DIP2C: variants seen among roughly 807,000 people sequenced by gnomAD.
The protein encoded by DIP2C is disco-interacting protein 2 homolog C.
Under a neutral mutation model 192.4 loss-of-function variants are expected in DIP2C, and 33 were observed. That is an observed-to-expected ratio of 0.17 (90% CI 0.13 to 0.23). The LOEUF (loss-of-function observed/expected upper bound fraction) is 0.23. Ranked by LOEUF, DIP2C falls within the 10% of genes least tolerant of loss-of-function variation. DIP2C has a pLI of 1.00. For synonymous variants in DIP2C, 979 were observed against 864.1 expected (o/e 1.13, Z -2.33); for missense variants, 1,537 against 2,110.1 (o/e 0.73, Z 5.32).
chr10:525,046 T>C (rs1004473179), intron 1 of DIP2C, among the ~76,000 whole-genome samples: 24 of 150,958 alleles, frequency 1.6e-4, no homozygotes, highest in Non-Finnish European at 5.9e-5. Flanking sequence ...GGGTTCAACT[T>C]ACATTTAAAT....
At chr10:530,393 A>C (rs1262736571) in intron 1 of DIP2C, among the ~76,000 whole-genome samples, 1 of 152,180 alleles carries the variant, frequency 6.6e-6, no homozygotes, top group Non-Finnish European at 1.5e-5. Context: ...TGCTGTTCTT[A>C]TCAGAACTTG....
In DIP2C at chr10:363,388, T is replaced by A; in HGVS notation, c.2478-77A>T. 8.0e-7 allele frequency: 1 copy of A among 1,247,482 alleles called. No individual in the cohort carries two copies. The allele number at this position is 1,247,482 out of a possible 1,614,324, so 77.3% of individuals were successfully genotyped here. ...CCTCCCTCCGCCATCAGGGGCTCCA[T>A]AACCATCACTAGTGAGTGACACAGC... On this transcript the variant is annotated intron_variant, in intron 20 of 36. Coordinates refer to ENST00000280886, the MANE Select transcript of DIP2C (RefSeq NM_014974.3). The surrounding 1 kb of genome is among the most constrained non-coding windows in gnomAD (Gnocchi z 5.4).
chr10:384,270 CCTTTTTTT>C lies in DIP2C; in HGVS notation c.1757-132_1757-125del, dbSNP rs1271535720. On this transcript the variant is annotated intron_variant, in intron 15 of 36. Coordinates refer to ENST00000280886, the MANE Select transcript of DIP2C (RefSeq NM_014974.3). ...TCACTGGTCACCCAGCCCCCACAAA[CCTTTTTTT>C]TTTTTTTTTTTTTTTTTTTTTGTGA... 7.5e-6 allele frequency: 4 copies of C among 535,542 alleles called. No homozygotes were observed. The African/African-American group carries it at 1.0e-4, about 14-fold the overall frequency. 33.2% of individuals were successfully genotyped at this position (535,542 alleles called of 1,614,324 possible). A position where few individuals can be genotyped will look rare whatever the true frequency, so the allele number is the denominator to read the frequency against.
intron 3 of DIP2C, among the ~76,000 whole-genome samples, chr10:446,070 GGC>G (rs1968172315): frequency 6.6e-6 from 1 of 151,964 alleles, no homozygotes; most frequent in African/African-American, 2.4e-5. Context: ...AGGCCCACTG[GGC>G]ATCTGTATAC....
intron 10 of DIP2C, among the ~76,000 whole-genome samples, chr10:391,923 T>C (rs549682539): frequency 3.5e-4 from 53 of 152,214 alleles, no homozygotes; most frequent in African/African-American, 1.3e-3. Flanking sequence ...CTTAAGTGTT[T>C]AGTACTTTTC....
intron 4 of DIP2C, among the ~76,000 whole-genome samples, chr10:426,963 C>CA (rs1212778805): frequency 6.6e-6 from 1 of 152,030 alleles, no homozygotes; most frequent in Admixed American, 6.6e-5. Context: ...CTAAAACTTC[C>CA]AAAAAATCCA....
chr10:361,069 G>A (rs1959421955), intron 22 of DIP2C, among the ~76,000 whole-genome samples: 1 of 152,048 alleles, frequency 6.6e-6, no homozygotes, highest in Non-Finnish European at 1.5e-5. Flanking sequence ...AGAGACGTAG[G>A]GCCTCAGCTC....
chr10:475,449 G>C (rs1348287149), intron 2 of DIP2C, among the ~76,000 whole-genome samples: 2 of 152,090 alleles, frequency 1.3e-5, no homozygotes, highest in Admixed American at 1.3e-4. Context: ...ACACCTATCT[G>C]GTCCACTCAA....
intron 4 of DIP2C, among the ~76,000 whole-genome samples, chr10:436,444 C>T (rs1201075396): frequency 6.6e-6 from 1 of 152,208 alleles, no homozygotes; most frequent in Admixed American, 6.5e-5. Context: ...ACTCCGATCT[C>T]CGCCTCCTGG....
chr10:534,001 TAA>T (rs34809873), intron 1 of DIP2C, among the ~76,000 whole-genome samples: 71,861 of 148,582 alleles, frequency 0.48, 17,446 homozygotes, highest in African/African-American at 0.54. Context: ...TGACATGCTT[TAA>T]AAAAAAAAAA....
chr10:395,873 C>T (rs746791391), intron 10 of DIP2C, among the ~76,000 whole-genome samples: 15 of 152,190 alleles, frequency 9.9e-5, no homozygotes, highest in East Asian at 1.9e-4. Context: ...GACCTCCCAG[C>T]GTGAGAAGTC....
intron 17 of DIP2C, among the ~76,000 whole-genome samples, chr10:371,898 T>C (rs1269317848): frequency 6.6e-6 from 1 of 152,200 alleles, no homozygotes; most frequent in Non-Finnish European, 1.5e-5. Context: ...TACGCTATCT[T>C]AGTGATAAAA....
At chr10:496,949 T>C (rs2133620178) in intron 1 of DIP2C, among the ~76,000 whole-genome samples, 1 of 152,180 alleles carries the variant, frequency 6.6e-6, no homozygotes, top group African/African-American at 2.4e-5. Flanking sequence ...GCGGTGAAAC[T>C]CCATCTCTAG....
At chr10:596,367 G>A (rs189054497) in intron 1 of DIP2C, among the ~76,000 whole-genome samples, 11 of 151,692 alleles carry the variant, frequency 7.3e-5, no homozygotes, top group African/African-American at 2.7e-4. Flanking sequence ...CCGGGCGCAG[G>A]TGCCTGTAAT....
At chr10:653,148 C>T (rs1175648103) in intron 1 of DIP2C, among the ~76,000 whole-genome samples, 2 of 151,976 alleles carry the variant, frequency 1.3e-5, no homozygotes, top group Non-Finnish European at 2.9e-5. Context: ...TTCAATGCCA[C>T]ATTTAAAATG....
chr10:284,611 A>G (rs1233098389), intron 34 of DIP2C, among the ~76,000 whole-genome samples: 2 of 152,204 alleles, frequency 1.3e-5, no homozygotes, highest in Non-Finnish European at 2.9e-5. Context: ...GGGGGAGATG[A>G]CGGGCAAGGG....
chr10:433,903 T>C (rs886558818), intron 4 of DIP2C, among the ~76,000 whole-genome samples: 31 of 152,210 alleles, frequency 2.0e-4, no homozygotes, highest in South Asian at 4.1e-4. Flanking sequence ...TTGTCTTTTT[T>C]TTTCTTTCTT....
chr10:324,297 C>G (rs1425195842), intron 31 of DIP2C, among the ~76,000 whole-genome samples: 1 of 152,196 alleles, frequency 6.6e-6, no homozygotes, highest in Non-Finnish European at 1.5e-5. Flanking sequence ...CTGGGGCCCC[C>G]ACCCTTCCTT....
At chr10:447,900 C>CA (rs1968416088) in intron 3 of DIP2C, among the ~76,000 whole-genome samples, 1 of 122,074 alleles carries the variant, frequency 8.2e-6, no homozygotes, top group Non-Finnish European at 1.6e-5. Flanking sequence ...CACAGTGGGG[C>CA]AGCAGGACCC....
Sources: gnomAD v4.1 joint callset for allele counts (sites outside exome capture counted in the v4.1 genomes callset) on GRCh38, gnomAD v4.1.1 for gene constraint, Gnocchi (gnomAD v3.1) non-coding constraint, MANE v1.5 for transcripts, NCBI Gene and HGNC (gene_info 2026-07-23, HGNC 2026-07-21) for gene names.